TECPR2: variants seen among roughly 807,000 people sequenced by gnomAD.
TECPR2 encodes tectonin beta-propeller repeat containing 2.
Under a neutral mutation model 138.1 loss-of-function variants are expected in TECPR2, and 65 were observed. The observed-to-expected ratio is 0.47, with a 90% confidence interval of 0.39 to 0.58. The LOEUF is 0.58. TECPR2 is among the 20% of genes least tolerant of loss of function. The pLI is 0.00. For missense variants in TECPR2, 1,553 were observed against 1,824.5 expected, an observed-to-expected ratio of 0.85 and a Z score of 2.71; for synonymous variants, 746 against 749.8, an observed-to-expected ratio of 0.99 and a Z score of 0.08.
chr14:102,368,174 A>T (rs1423706376), intron 1 of TECPR2, among the ~76,000 whole-genome samples: 1 of 150,562 alleles, frequency 6.6e-6, no homozygotes, highest in Non-Finnish European at 1.5e-5. Flanking sequence ...ATGCCCACCT[A>T]ATTTTTGTGT....
At chr14:102,460,384 C>T (rs1890376983) in intron 16 of TECPR2, among the ~76,000 whole-genome samples, 1 of 152,022 alleles carries the variant, frequency 6.6e-6, no homozygotes, top group African/African-American at 2.4e-5. Flanking sequence ...GAGGCCAAGG[C>T]AGGCAGATCA....
At chr14:102,457,637 G>A (rs1890306817) in intron 16 of TECPR2, among the ~76,000 whole-genome samples, 1 of 152,006 alleles carries the variant, frequency 6.6e-6, no homozygotes, top group African/African-American at 2.4e-5. Context: ...GCTTACACCT[G>A]TAATCCTAGC....
Position 102,425,158 on chromosome 14 carries a change from G to T in TECPR2, c.818G>T (p.Arg273Leu). The T allele has an allele frequency of 6.2e-7, 1 of 1,614,080 alleles. No homozygotes were observed. Among genetic ancestry groups the T allele is most frequent in the South Asian group, 1.1e-5 (1 of 91,070 alleles). The change falls in exon 6 of 20, where the codon CGT (arginine) becomes CTT (leucine). Residue 273 changes from arginine to leucine, a missense_variant. Coordinates refer to ENST00000359520, the MANE Select transcript of TECPR2 (RefSeq NM_014844.5). ...GGVKPFELHP[R>L]LESPNSGSCS... Reference sequence around the variant, plus strand: ...GTCAAGCCTTTTGAACTGCACCCGCGTCTGGAATCCCCCAACAGTGGAAGT... The same window carrying T: ...GTCAAGCCTTTTGAACTGCACCCGCTTCTGGAATCCCCCAACAGTGGAAGT...
intron 2 of TECPR2, among the ~76,000 whole-genome samples, chr14:102,392,191 T>C (rs1291159222): frequency 6.6e-6 from 1 of 151,964 alleles, no homozygotes; most frequent in African/African-American, 2.4e-5. Flanking sequence ...GGGGTTTCAC[T>C]GTGTTGGCCA....
At chr14:102,472,660 C>T (rs1448749195) in intron 17 of TECPR2, among the ~76,000 whole-genome samples, 1 of 152,240 alleles carries the variant, frequency 6.6e-6, no homozygotes, top group African/African-American at 2.4e-5. Context: ...CACATGTACA[C>T]AGGCCTTTCT....
rs867934183 is a variant in TECPR2, at chr14:102,445,900, G to A, written c.3028G>A (p.Gly1010Ser). The A allele has an allele frequency of 3.7e-6, 6 of 1,613,834 alleles. No individual in the cohort carries two copies. The Middle Eastern group carries it at 6.6e-4, about 177-fold the overall frequency. Residue 1010 changes from glycine to serine, a missense_variant, in exon 13 of 20, where the codon GGC becomes AGC. By Grantham distance (56) the Gly-to-Ser change is moderately conservative (BLOSUM62 0). Transcript: ENST00000359520. ...CCATGGGAACCTGTGGTTCAGAACT[G>A]GCATTATTTCCAAGAAGCCCCAAGG... Reference protein sequence around the residue: ...DIHGNLWFRTGIISKKPQGDD... With the variant: ...DIHGNLWFRTSIISKKPQGDD...
At chr14:102,363,317 G>T (rs1887234964) in intron 1 of TECPR2, among the ~76,000 whole-genome samples, 1 of 152,188 alleles carries the variant, frequency 6.6e-6, no homozygotes, top group Admixed American at 6.5e-5. Context: ...CACACGGAGC[G>T]CCTGGCTCGC....
intron 11 of TECPR2, among the ~76,000 whole-genome samples, chr14:102,441,560 C>A (rs1889833080): frequency 6.6e-6 from 1 of 151,526 alleles, no homozygotes; most frequent in Non-Finnish European, 1.5e-5. Flanking sequence ...CGTGGTGGCG[C>A]TTGCCTGTAA....
chr14:102,406,379 T>G (rs746516921), intron 2 of TECPR2, among the ~76,000 whole-genome samples: 3 of 151,802 alleles, frequency 2.0e-5, no homozygotes, highest in Non-Finnish European at 4.4e-5. Context: ...AAACCCCGTC[T>G]CTACTAAAAA....
intron 3 of TECPR2, 88 bp downstream of exon 3, chr14:102,407,554 G>T (rs1351985674): frequency 1.2e-5 from 17 of 1,469,630 alleles, no homozygotes; most frequent in African/African-American, 2.9e-5. Context: ...TGCTTAGAAA[G>T]TTTATGCTCA....
chr14:102,432,298 TACACAC>T lies in TECPR2; in HGVS notation c.1417+189_1417+194del, dbSNP rs10650505. On this transcript the variant is annotated intron_variant, in intron 8 of 19. Coordinates refer to ENST00000359520, the MANE Select transcript of TECPR2 (RefSeq NM_014844.5). ...CAAAATACTTCACATTAACGGAAAA[TACACAC>T]ACACACACACACACACACTGTAAGG... 7.8e-3 allele frequency among the ~76,000 whole-genome samples: 1,160 copies of T among 148,900 alleles called. 9 individuals carry two copies. Among genetic ancestry groups the T allele is most frequent in the South Asian group, 0.017 (82 of 4,718 alleles).
chr14:102,487,898 A>G (rs1475012317), intron 17 of TECPR2, among the ~76,000 whole-genome samples: 2 of 137,974 alleles, frequency 1.4e-5, no homozygotes, highest in Non-Finnish European at 3.1e-5. Context: ...CTGGAGTGCA[A>G]TGGCGCGATC....
intron 12 of TECPR2, 87 bp from the exon 13 acceptor site, chr14:102,445,719 C>T (rs1272768112): frequency 6.8e-7 from 1 of 1,475,668 alleles, no homozygotes; most frequent in Non-Finnish European, 9.1e-7. Flanking sequence ...GCCACGCCTG[C>T]CGGGAGACCC....
chr14:102,371,295 G>A (rs1054857926), intron 1 of TECPR2, among the ~76,000 whole-genome samples: 1 of 152,200 alleles, frequency 6.6e-6, no homozygotes, highest in Non-Finnish European at 1.5e-5. Context: ...TGTTTGCTGT[G>A]TCTGCATTGT....
At position 102,407,449 on chromosome 14, in the gene TECPR2, C is replaced by T. The variant is rs1888690244; in HGVS notation, c.331C>T (p.Pro111Ser). 2 of 1,612,674 alleles carry T rather than the reference C, an allele frequency of 1.2e-6. No homozygotes were observed. Among genetic ancestry groups the T allele is most frequent in the Non-Finnish European group, 1.7e-6 (2 of 1,179,392 alleles). ...AGTTTTTCAACTTGTATCTTCATTG[C>T]CAGGGAGAAATAAACAGGTGAGTAC... Reference protein sequence around the residue: ...VAVFQLVSSLPGRNKQLRRFD... With the variant: ...VAVFQLVSSLSGRNKQLRRFD... The change falls in exon 3 of 20, where the codon CCA becomes TCA. Residue 111 changes from proline to serine, a missense_variant. Pro to Ser is a moderately conservative substitution (Grantham distance 74). Coordinates refer to ENST00000359520, the MANE Select transcript of TECPR2 (RefSeq NM_014844.5).
chr14:102,454,472 G>T (rs1879386057), intron 16 of TECPR2, among the ~76,000 whole-genome samples: 1 of 152,086 alleles, frequency 6.6e-6, no homozygotes, highest in South Asian at 2.1e-4. Flanking sequence ...TATGCTTTGG[G>T]CCTCCCCACC....
chr14:102,498,051 A>AAG, intron 19 of TECPR2, 52 bp from the exon 20 acceptor site: 8 of 1,585,212 alleles, frequency 5.0e-6, no homozygotes, highest in African/African-American at 1.3e-5. Context: ...ATCTGTGCCC[A>AAG]CCCCACAGGC....
chr14:102,457,355 G>T lies in TECPR2; in HGVS notation c.3640+4728G>T, dbSNP rs531729150. Among the ~76,000 whole-genome samples, 513 of 152,278 alleles carry T rather than the reference G, an allele frequency of 3.4e-3. 5 individuals carry two copies. The highest frequency in any genetic ancestry group is 0.012 in the African/African-American group (501 of 41,556). On this transcript the variant is annotated intron_variant, in intron 16 of 19. Coordinates refer to ENST00000359520, the MANE Select transcript of TECPR2 (RefSeq NM_014844.5). ...CCGTCTTGGCCTCCCAAAGTGCTGG[G>T]ATTACAGGTGTGAGCCACTGCGCCT...
Position 102,443,944 on chromosome 14 carries a change from A to C in TECPR2, c.2933+117A>C. The C allele has an allele frequency of 1.0e-6, 1 of 986,672 alleles. No homozygotes were observed. Among genetic ancestry groups the C allele is most frequent in the Non-Finnish European group, 1.4e-6 (1 of 700,014 alleles). 61.1% of individuals were successfully genotyped at this position (986,672 alleles called of 1,614,324 possible). On this transcript the variant is annotated intron_variant, in intron 12 of 19. Transcript: ENST00000359520. The surrounding 1 kb of genome is among the most constrained non-coding windows in gnomAD (Gnocchi z 4.9). The stretch of plus-strand genomic sequence containing the variant: ...CTGGGAGGCAGCACCTGCAGCCTCC[A>C]TGGCTATAGGCTAAGCTTGAATCTC...
Sources: gnomAD v4.1 joint callset for allele counts (sites outside exome capture counted in the v4.1 genomes callset) on GRCh38, gnomAD v4.1.1 for gene constraint, Gnocchi (gnomAD v3.1) non-coding constraint, MANE v1.5 for transcripts, NCBI Gene and HGNC (gene_info 2026-07-23, HGNC 2026-07-21) for gene names.